PDZD2: variants seen among roughly 807,000 people sequenced by gnomAD.
PDZD2 encodes the protein PDZ domain-containing protein 2.
Under a neutral mutation model 220.7 loss-of-function variants are expected in PDZD2, and 90 were observed. The observed-to-expected ratio is 0.41, with a 90% CI of 0.34 to 0.49. PDZD2 has a LOEUF of 0.49. PDZD2 is among the 20% of genes least tolerant of loss of function. PDZD2 has a pLI of 0.28. For missense variants in PDZD2, 3,174 were observed against 3,608.5 expected (o/e 0.88, Z 3.08); for synonymous variants, 1,375 against 1,450.5 (o/e 0.95, Z 1.18).
chr5:31,916,798 G>A (rs1321177806), intron 2 of PDZD2, among the ~76,000 whole-genome samples: 1 of 152,212 alleles, frequency 6.6e-6, no homozygotes, highest in African/African-American at 2.4e-5. Flanking sequence ...GTGTCCAGAT[G>A]CCTGGGGAAG....
rs756586970 is a variant in PDZD2, at chr5:32,000,302, A to C, written c.1254+31A>C. The C allele has an allele frequency of 9.3e-6, 15 of 1,612,298 alleles. No individual in the cohort carries two copies. Among genetic ancestry groups the C allele is most frequent in the Non-Finnish European group, 1.1e-5 (13 of 1,178,746 alleles). On this transcript the variant is annotated intron_variant, in intron 5 of 24. Coordinates refer to ENST00000438447, the MANE Select transcript of PDZD2 (RefSeq NM_178140.4). This position sits in a 1 kb window ranked among gnomAD's most constrained non-coding sequence, Gnocchi z 4.5. ...TCGTGTTTGTTTTTTGGTACTCGTA[A>C]TGGTGGCAGTGGTGAGTTGGGGTTG...
At chr5:31,810,582 A>C (rs1755055397) in intron 2 of PDZD2, among the ~76,000 whole-genome samples, 1 of 152,102 alleles carries the variant, frequency 6.6e-6, no homozygotes, top group Non-Finnish European at 1.5e-5. Context: ...GAGATTTTTG[A>C]ACTTCAGGCT....
chr5:32,074,506 G>A lies in PDZD2; in HGVS notation c.3400G>A (p.Glu1134Lys), dbSNP rs1741094459. 1 of 1,614,132 alleles carries A rather than the reference G, an allele frequency of 6.2e-7. No homozygotes were observed. The highest frequency in any genetic ancestry group is 1.7e-5 in the Admixed American group (1 of 60,034). Residue 1134 changes from glutamate to lysine, a missense_variant, in exon 18 of 25, where the codon GAG becomes AAG. Transcript: ENST00000438447. The stretch of plus-strand genomic sequence containing the variant: ...CCCCCACTGCAAGAGATCCGAGGCT[G>A]AGGCCAAGCCCAGTGGCTCACAGAC... Reference protein sequence around the residue: ...VSPHCKRSEAEAKPSGSQTVN... With the variant: ...VSPHCKRSEAKAKPSGSQTVN...
rs374973659 is a variant in PDZD2 at position 32,091,073 on chromosome 5, G to A, written c.7625G>A (p.Gly2542Glu). The A allele has an allele frequency of 6.2e-6, 10 of 1,611,972 alleles. No individual in the cohort carries two copies. The highest frequency in any genetic ancestry group is 1.1e-5 in the South Asian group (1 of 91,028). Residue 2542 changes from glycine to glutamate, a missense_variant, in exon 20 of 25, where the codon GGA becomes GAA. Around this residue, in one of 4 missense-constraint regions of PDZD2, gnomAD observed 631 missense variants for 789.9 expected, o/e 0.80. Coordinates refer to ENST00000438447, the MANE Select transcript of PDZD2 (RefSeq NM_178140.4). ...AAGGGCGGGAACAGGGCCTGTCCAGGAGGAAGTGGCCCTAAAACCAGTGCT... is the reference window on the plus strand; with the variant it reads ...AAGGGCGGGAACAGGGCCTGTCCAGAAGGAAGTGGCCCTAAAACCAGTGCT... ...PEKGGNRACP[G>E]GSGPKTSAAE...
At chr5:31,737,024 AG>A (rs1749902749) in intron 1 of PDZD2, among the ~76,000 whole-genome samples, 3 of 152,092 alleles carry the variant, frequency 2.0e-5, no homozygotes, top group Non-Finnish European at 4.4e-5. Flanking sequence ...CAGAATCATG[AG>A]CCAATTAAAC....
At chr5:32,080,992 C>T (rs1741889762) in intron 19 of PDZD2, among the ~76,000 whole-genome samples, 2 of 151,578 alleles carry the variant, frequency 1.3e-5, no homozygotes, top group Non-Finnish European at 2.9e-5. Context: ...ACCTAGGTCA[C>T]GGGTTGATAG....
intron 1 of PDZD2, among the ~76,000 whole-genome samples, chr5:31,649,852 C>G (rs1745279735): frequency 6.8e-6 from 1 of 146,546 alleles, no homozygotes; most frequent in Non-Finnish European, 1.5e-5. Context: ...GCAGGAGAAC[C>G]GCTTGAACCC....
chr5:31,948,531 G>A (rs972411943), intron 2 of PDZD2, among the ~76,000 whole-genome samples: 6 of 152,194 alleles, frequency 3.9e-5, no homozygotes, highest in African/African-American at 1.4e-4. Flanking sequence ...ACAGAACTCA[G>A]TCTGTGGTAT....
chr5:32,052,923 ACC>A (rs1738716987), intron 9 of PDZD2, among the ~76,000 whole-genome samples, 193 bp downstream of exon 9: 1 of 152,076 alleles, frequency 6.6e-6, no homozygotes, highest in Non-Finnish European at 1.5e-5. Context: ...CAGTGCTCCC[ACC>A]TCGACTTCCC....
At chr5:32,012,455 C>G (rs957859360) in intron 6 of PDZD2, among the ~76,000 whole-genome samples, 1 of 152,090 alleles carries the variant, frequency 6.6e-6, no homozygotes, top group African/African-American at 2.4e-5. Context: ...GTGATCTTGG[C>G]TTGCTGCAAC....
At position 31,956,336 on chromosome 5, in the gene PDZD2, G is replaced by GT. The variant is rs71598912; in HGVS notation, c.477-26803dup. ...ACAGAAAAGATCAATGAAACTAAGAGTTTTTTTTTTTTTTTTGAAAAGATA... is the reference window on the plus strand; with the variant it reads ...ACAGAAAAGATCAATGAAACTAAGAGTTTTTTTTTTTTTTTTTGAAAAGATA... On this transcript the variant is annotated intron_variant, in intron 2 of 24. Coordinates refer to ENST00000438447, the MANE Select transcript of PDZD2 (RefSeq NM_178140.4). 5.6e-3 allele frequency among the ~76,000 whole-genome samples: 741 copies of GT among 133,474 alleles called. 15 individuals carry two copies. Among genetic ancestry groups the GT allele is most frequent in the African/African-American group, 0.018 (639 of 35,496 alleles). 87.6% of individuals were successfully genotyped at this position (133,474 alleles called of 152,430 possible). A position where few individuals can be genotyped will look rare whatever the true frequency, so the allele number is the denominator to read the frequency against.
chr5:31,870,598 A>G (rs1039289167), intron 2 of PDZD2, among the ~76,000 whole-genome samples: 1 of 152,156 alleles, frequency 6.6e-6, no homozygotes, highest in African/African-American at 2.4e-5. Flanking sequence ...TTAAAAATGG[A>G]ACAAGTTGGC....
chr5:31,856,315 C>CCCCT (rs1248670044), intron 2 of PDZD2, among the ~76,000 whole-genome samples: 6 of 152,100 alleles, frequency 3.9e-5, no homozygotes, highest in Non-Finnish European at 8.8e-5. Flanking sequence ...AAACCCAAGG[C>CCCCT]CCCTGGGTGC....
chr5:31,882,371 T>C (rs1268846724), intron 2 of PDZD2, among the ~76,000 whole-genome samples: 1 of 152,180 alleles, frequency 6.6e-6, no homozygotes, highest in Admixed American at 6.5e-5. Context: ...CCATCTCTCC[T>C]GGGATTTTTA....
rs185544606 is a variant in PDZD2, at chr5:31,657,547, C to T, written c.-361+18110C>T. ...CAGAATCAGAATCTAAATAGGCTTA[C>T]AGGAAAGGCCAAGCCTTGCAAAAGT... On this transcript the variant is annotated intron_variant, in intron 1 of 24. Transcript: ENST00000438447. 4.2e-4 allele frequency among the ~76,000 whole-genome samples: 64 copies of T among 152,158 alleles called. 3 individuals carry two copies. The highest frequency in any genetic ancestry group is 1.2e-3 in the African/African-American group (51 of 41,416).
At chr5:32,011,671 C>T (rs1180645589) in intron 6 of PDZD2, among the ~76,000 whole-genome samples, 1 of 152,152 alleles carries the variant, frequency 6.6e-6, no homozygotes, top group Non-Finnish European at 1.5e-5. Context: ...TCCCACTCTC[C>T]TGAACCTAGG....
At position 31,927,320 on chromosome 5, in the gene PDZD2, T is replaced by C. The variant is rs374544389; in HGVS notation, c.477-55835T>C. The stretch of plus-strand genomic sequence containing the variant: ...GCAGGGCTGGTCCAGCTCTTTCTGG[T>C]AGAATGTGTCTGATTGTTTGGTAGT... On this transcript the variant is annotated intron_variant, in intron 2 of 24. Coordinates refer to ENST00000438447, the MANE Select transcript of PDZD2 (RefSeq NM_178140.4). 4.6e-5 allele frequency among the ~76,000 whole-genome samples: 7 copies of C among 152,342 alleles called. No homozygotes were observed. In the South Asian group the frequency reaches 1.2e-3, roughly 27 times the overall value.
intron 8 of PDZD2, among the ~76,000 whole-genome samples, chr5:32,050,070 A>T (rs2112294719): frequency 6.6e-6 from 1 of 152,280 alleles, no homozygotes; most frequent in Admixed American, 6.5e-5. Flanking sequence ...ACCTGGGATT[A>T]CAGGTGTGTG....
intron 2 of PDZD2, among the ~76,000 whole-genome samples, chr5:31,818,917 C>T (rs914919346): frequency 6.6e-6 from 1 of 152,148 alleles, no homozygotes; most frequent in African/African-American, 2.4e-5. Context: ...AATCTATGTT[C>T]ATTTGCAATA....
Sources: allele counts gnomAD v4.1 joint callset (sites outside exome capture counted in the v4.1 genomes callset), GRCh38; gene constraint gnomAD v4.1.1; regional missense constraint gnomAD v4.1.1; non-coding constraint Gnocchi (gnomAD v3.1); transcripts MANE v1.5; gene names NCBI Gene and HGNC (gene_info 2026-07-23, HGNC 2026-07-21).